The following L3MBTL4 variants were observed in gnomAD, a reference collection of about 807,000 sequenced individuals.
The protein encoded by L3MBTL4 is L3MBTL histone methyl-lysine binding protein 4.
L3MBTL4 carries 70 observed loss-of-function variants against 84.5 expected under a neutral mutation model. The observed-to-expected ratio is 0.83, with a 90% CI of 0.68 to 1.01. L3MBTL4 has a LOEUF of 1.01. Among genes scored for constraint, L3MBTL4 ranks in the 50% least tolerant of loss-of-function variants. The probability of loss-of-function intolerance (pLI) is 0.00; values close to 1 mark genes in which losing one functional copy is unlikely to be tolerated. For synonymous variants in L3MBTL4, 274 were observed against 259.8 expected (o/e 1.05, Z -0.52); for missense variants, 715 against 754.8 (o/e 0.95, Z 0.62).
intron 15 of L3MBTL4, among the ~76,000 whole-genome samples, chr18:6,090,943 G>T (rs2058434376): frequency 6.6e-6 from 1 of 152,078 alleles, no homozygotes; most frequent in African/African-American, 2.4e-5. Flanking sequence ...TTGACTGGAG[G>T]CCAGTGGAAA....
rs574016249 is a variant in L3MBTL4 at position 5,972,612 on chromosome 18, C to T, written c.1445-3050G>A. Among the ~76,000 whole-genome samples, 12 of 152,204 alleles carry T rather than the reference C, an allele frequency of 7.9e-5. No homozygotes were observed. The South Asian group carries it at 1.0e-3, about 13-fold the overall frequency. ...ACTAATTTGCATTTGGGGAGTGTTT[C>T]GCGGGGGCTGTTTTGCCTTCTTTGT... On this transcript the variant is annotated intron_variant, in intron 16 of 18. Coordinates refer to ENST00000317931, the MANE Select transcript of L3MBTL4 (RefSeq NM_001330559.2).
intron 9 of L3MBTL4, among the ~76,000 whole-genome samples, chr18:6,239,183 T>C (rs2047345658): frequency 6.6e-6 from 1 of 151,258 alleles, no homozygotes; most frequent in African/African-American, 2.4e-5. Context: ...CTACTAAAAA[T>C]ACAAAAAATT....
intron 16 of L3MBTL4, among the ~76,000 whole-genome samples, chr18:6,028,297 T>A (rs2055607384): frequency 6.6e-6 from 1 of 152,210 alleles, no homozygotes; most frequent in Non-Finnish European, 1.5e-5. Context: ...AAATAGGGAA[T>A]CCTTTCCCAT....
chr18:6,233,897 C>T (rs1319436339), intron 10 of L3MBTL4, among the ~76,000 whole-genome samples: 4 of 152,158 alleles, frequency 2.6e-5, no homozygotes, highest in African/African-American at 7.2e-5. Flanking sequence ...GGAGGCATCA[C>T]ACTACCTGAC....
At chr18:6,355,923 T>C (rs763891630) in intron 1 of L3MBTL4, among the ~76,000 whole-genome samples, 1 of 152,004 alleles carries the variant, frequency 6.6e-6, no homozygotes, top group Non-Finnish European at 1.5e-5. Flanking sequence ...GTGTGCATGA[T>C]TCATCCCCAG....
intron 13 of L3MBTL4, among the ~76,000 whole-genome samples, chr18:6,165,952 C>T (rs1249595481): frequency 6.6e-6 from 1 of 152,088 alleles, no homozygotes; most frequent in Non-Finnish European, 1.5e-5. Flanking sequence ...CGTGCAGAGA[C>T]ACACATAGGC....
intron 1 of L3MBTL4, among the ~76,000 whole-genome samples, chr18:6,359,850 G>T (rs1568551556): frequency 6.6e-6 from 1 of 151,876 alleles, no homozygotes; most frequent in South Asian, 2.1e-4. Flanking sequence ...CTAGTGTGGG[G>T]GGCAAGCAGA....
intron 4 of L3MBTL4, among the ~76,000 whole-genome samples, chr18:6,281,217 G>A (rs928955725): frequency 6.6e-6 from 1 of 152,112 alleles, no homozygotes; most frequent in Non-Finnish European, 1.5e-5. Context: ...TAACATAATA[G>A]TTGTCACATG....
intron 16 of L3MBTL4, among the ~76,000 whole-genome samples, chr18:6,020,529 G>A (rs2055199454): frequency 1.3e-5 from 2 of 152,108 alleles, no homozygotes; most frequent in South Asian, 2.1e-4. Flanking sequence ...ACTGCAACAA[G>A]GAGAATAAGA....
At chr18:6,325,496 T>C (rs1055169244) in intron 1 of L3MBTL4, among the ~76,000 whole-genome samples, 3 of 152,138 alleles carry the variant, frequency 2.0e-5, no homozygotes, top group Non-Finnish European at 2.9e-5. Flanking sequence ...TATACTACCA[T>C]TTTTAAAATA....
chr18:6,108,452 G>A (rs543838919), intron 14 of L3MBTL4, among the ~76,000 whole-genome samples: 32 of 152,236 alleles, frequency 2.1e-4, no homozygotes, highest in African/African-American at 7.5e-4. Flanking sequence ...GGTATATTAA[G>A]CTCTCTAGAT....
intron 7 of L3MBTL4, among the ~76,000 whole-genome samples, chr18:6,242,979 A>T (rs1479315968): frequency 6.6e-6 from 1 of 152,326 alleles, no homozygotes; most frequent in African/African-American, 2.4e-5. Flanking sequence ...CCATGATTTA[A>T]ATATTAGTCT....
chr18:6,146,462 G>C (rs1459609266), intron 13 of L3MBTL4, among the ~76,000 whole-genome samples: 1 of 152,182 alleles, frequency 6.6e-6, no homozygotes, highest in Non-Finnish European at 1.5e-5. Flanking sequence ...CTACGAGGAA[G>C]CTGCGGAGAA....
At chr18:6,143,582 A>G (rs1291646627) in intron 13 of L3MBTL4, among the ~76,000 whole-genome samples, 1 of 152,184 alleles carries the variant, frequency 6.6e-6, no homozygotes, top group African/African-American at 2.4e-5. Context: ...AAATAATCGT[A>G]TTTTTGCCAA....
At chr18:6,090,490 T>C (rs1598715001) in intron 15 of L3MBTL4, among the ~76,000 whole-genome samples, 2 of 151,896 alleles carry the variant, frequency 1.3e-5, no homozygotes, top group Non-Finnish European at 1.5e-5. Context: ...TTGGGCAATA[T>C]CTAACCAAAT....
chr18:6,107,653 A>G (rs2059055651), intron 14 of L3MBTL4, among the ~76,000 whole-genome samples: 1 of 152,210 alleles, frequency 6.6e-6, no homozygotes, highest in African/African-American at 2.4e-5. Flanking sequence ...ATGTGGAGCT[A>G]AGATAATAAA....
intron 1 of L3MBTL4, among the ~76,000 whole-genome samples, chr18:6,321,622 A>G (rs2051406676): frequency 6.6e-6 from 1 of 152,218 alleles, no homozygotes; most frequent in Non-Finnish European, 1.5e-5. Flanking sequence ...AGCACAATTC[A>G]CAATTGCAAA....
chr18:6,041,008 G>A (rs2056375900), intron 16 of L3MBTL4, among the ~76,000 whole-genome samples: 1 of 152,220 alleles, frequency 6.6e-6, no homozygotes, highest in Non-Finnish European at 1.5e-5. Flanking sequence ...CAGAAAATGT[G>A]TCACAACAAA....
chr18:6,097,948 C>T (rs937463230), intron 14 of L3MBTL4, among the ~76,000 whole-genome samples: 3 of 152,134 alleles, frequency 2.0e-5, no homozygotes, highest in Non-Finnish European at 2.9e-5. Flanking sequence ...CTTCTCACCC[C>T]GAATTATTCC....
Sources: gnomAD v4.1 joint callset for allele counts (sites outside exome capture counted in the v4.1 genomes callset) on GRCh38, gnomAD v4.1.1 for gene constraint, MANE v1.5 for transcripts, NCBI Gene and HGNC (gene_info 2026-07-23, HGNC 2026-07-21) for gene names.